The following FAM167A variants were observed in gnomAD, a reference collection of about 807,000 sequenced individuals.
The protein encoded by FAM167A is family with sequence similarity 167 member A, also known as protein FAM167A.
FAM167A carries 23 observed loss-of-function variants against 14.9 expected under a neutral mutation model. That is an observed-to-expected ratio of 1.55 (90% confidence interval 1.11 to 2.19). The LOEUF (loss-of-function observed/expected upper bound fraction) is 2.19. FAM167A is among the 30% of genes most tolerant of loss of function. FAM167A has a pLI of 0.00. For synonymous variants in FAM167A, 174 were observed against 117.7 expected, an observed-to-expected ratio of 1.48 and a Z score of -3.10; for missense variants, 401 against 281.5, an observed-to-expected ratio of 1.42 and a Z score of -3.04.
chr8:11,448,221 A>G (rs1332623717), intron 1 of FAM167A, among the ~76,000 whole-genome samples: 4 of 151,466 alleles, frequency 2.6e-5, no homozygotes, highest in Non-Finnish European at 5.9e-5. Flanking sequence ...AAGTTCTAAG[A>G]ATTTCAAGAC....
At chr8:11,465,589 G>T (rs1236399563) in intron 1 of FAM167A, among the ~76,000 whole-genome samples, 1 of 152,234 alleles carries the variant, frequency 6.6e-6, no homozygotes, top group African/African-American at 2.4e-5. Flanking sequence ...ACACGCTGCA[G>T]AAGTTCCTAT....
At chr8:11,432,296 T>C (rs1477923578) in intron 2 of FAM167A, among the ~76,000 whole-genome samples, 3 of 152,114 alleles carry the variant, frequency 2.0e-5, no homozygotes, top group Non-Finnish European at 2.9e-5. Flanking sequence ...ACCTACAGAA[T>C]GGGAGAAAAT....
intron 1 of FAM167A, among the ~76,000 whole-genome samples, chr8:11,449,081 G>C (rs1156345673): frequency 1.3e-5 from 2 of 152,260 alleles, no homozygotes; most frequent in African/African-American, 4.8e-5. Flanking sequence ...CAGCCAGATG[G>C]TGAGGAGCTG....
At chr8:11,455,876 G>GA (rs1807246727) in intron 1 of FAM167A, among the ~76,000 whole-genome samples, 1 of 121,606 alleles carries the variant, frequency 8.2e-6, no homozygotes, top group Non-Finnish European at 1.7e-5. Flanking sequence ...GTGTGAGTGT[G>GA]GGGTGGTTGC....
At chr8:11,425,772 T>G (rs1049468760) in intron 2 of FAM167A, among the ~76,000 whole-genome samples, 3 of 152,108 alleles carry the variant, frequency 2.0e-5, no homozygotes, top group Non-Finnish European at 4.4e-5. Flanking sequence ...AGGTAGCAAA[T>G]TCCTGCCTCT....
At chr8:11,445,856 A>G (rs1197495460) in intron 1 of FAM167A, among the ~76,000 whole-genome samples, 1 of 152,152 alleles carries the variant, frequency 6.6e-6, no homozygotes, top group Non-Finnish European at 1.5e-5. Flanking sequence ...ACATGCAGCT[A>G]TAAAAAAGAA....
chr8:11,462,980 A>C (rs1236264444), intron 1 of FAM167A, among the ~76,000 whole-genome samples: 1 of 152,184 alleles, frequency 6.6e-6, no homozygotes, highest in Non-Finnish European at 1.5e-5. Context: ...AGGTAAAAGA[A>C]TCCATGAGAG....
intron 2 of FAM167A, among the ~76,000 whole-genome samples, chr8:11,439,121 A>G (rs1033041316): frequency 6.6e-6 from 1 of 152,256 alleles, no homozygotes; most frequent in African/African-American, 2.4e-5. Context: ...GCTTAGCCAC[A>G]TCCTTGCATA....
chr8:11,426,081 C>A (rs1361212908), intron 2 of FAM167A, among the ~76,000 whole-genome samples: 1 of 152,226 alleles, frequency 6.6e-6, no homozygotes, highest in Non-Finnish European at 1.5e-5. Context: ...GAACCTTGGC[C>A]TCCACAACTG....
chr8:11,457,220 G>A (rs1807370938), intron 1 of FAM167A, among the ~76,000 whole-genome samples: 1 of 151,932 alleles, frequency 6.6e-6, no homozygotes. Context: ...ACCCTGCCGG[G>A]TAAGCATTCC....
At chr8:11,440,483 T>G (rs1180614416) in intron 2 of FAM167A, among the ~76,000 whole-genome samples, 3 of 152,320 alleles carry the variant, frequency 2.0e-5, no homozygotes, top group Middle Eastern at 3.4e-3. Flanking sequence ...AGTCAGGCAA[T>G]CATTCTGCCT....
intron 1 of FAM167A, among the ~76,000 whole-genome samples, chr8:11,463,505 T>C (rs78448141): frequency 4.3e-4 from 66 of 152,324 alleles, no homozygotes; most frequent in African/African-American, 1.6e-3. Flanking sequence ...CTTCCTGGAA[T>C]GAGGAAACAC....
chr8:11,439,382 G>C (rs775480543), intron 2 of FAM167A, among the ~76,000 whole-genome samples: 21 of 152,358 alleles, frequency 1.4e-4, no homozygotes, highest in South Asian at 4.1e-4. Flanking sequence ...ACCTGCCTCA[G>C]AGGGCTGTCC....
chr8:11,429,031 G>C (rs1805382758), intron 2 of FAM167A, among the ~76,000 whole-genome samples: 1 of 136,340 alleles, frequency 7.3e-6, no homozygotes, highest in African/African-American at 2.7e-5. Flanking sequence ...TGGCAATTAA[G>C]TACATTCACG....
At chr8:11,465,837 C>T (rs1563394315) in intron 1 of FAM167A, among the ~76,000 whole-genome samples, 1 of 152,188 alleles carries the variant, frequency 6.6e-6, no homozygotes, top group Non-Finnish European at 1.5e-5. Flanking sequence ...CTTGGGAGAA[C>T]CTGCTTGCAG....
At chr8:11,433,730 T>C (rs1805783408) in intron 2 of FAM167A, among the ~76,000 whole-genome samples, 1 of 152,194 alleles carries the variant, frequency 6.6e-6, no homozygotes, top group South Asian at 2.1e-4. Flanking sequence ...CCCAGCCTAA[T>C]AGCTACAATT....
chr8:11,451,952 A>G (rs1490022618), intron 1 of FAM167A, among the ~76,000 whole-genome samples: 1 of 152,206 alleles, frequency 6.6e-6, no homozygotes, highest in African/African-American at 2.4e-5. Context: ...CTTGCTCACA[A>G]CCAAGAGCTG....
upstream of FAM167A, among the ~76,000 whole-genome samples, chr8:11,469,802 C>A (rs1807895429): frequency 6.6e-6 from 1 of 151,956 alleles, no homozygotes; most frequent in African/African-American, 2.4e-5. Flanking sequence ...ACTGCTGGAA[C>A]CCAGGAGTTG....
intron 2 of FAM167A, chr8:11,438,001 C>T (rs568120258): frequency 3.8e-4 from 133 of 347,554 alleles, no homozygotes; most frequent in Admixed American, 6.7e-4. Context: ...TTTGTCACAC[C>T]ATGCCACTGT....
Sources: allele counts gnomAD v4.1 joint callset (sites outside exome capture counted in the v4.1 genomes callset), GRCh38; gene constraint gnomAD v4.1.1; transcripts MANE v1.5; gene names NCBI Gene and HGNC (gene_info 2026-07-23, HGNC 2026-07-21).